Variants in KDM2B observed in about 807,000 individuals in gnomAD.
The protein encoded by KDM2B is lysine demethylase 2B, also known as lysine-specific demethylase 2B.
A neutral mutation model predicts 150.0 loss-of-function variants in KDM2B; 26 were observed. That is an observed-to-expected ratio of 0.17 (90% CI 0.13 to 0.24). The LOEUF (loss-of-function observed/expected upper bound fraction) is 0.24. Ranked by LOEUF, KDM2B falls within the 10% of genes least tolerant of loss-of-function variation. The probability of loss-of-function intolerance (pLI) is 1.00; values close to 1 mark genes in which losing one functional copy is unlikely to be tolerated. For missense variants in KDM2B, 1,265 were observed against 1,816.9 expected, an observed-to-expected ratio of 0.70 and a Z score of 5.52; for synonymous variants, 734 against 729.5, an observed-to-expected ratio of 1.01 and a Z score of -0.10.
At chr12:121,486,620 C>T (rs1202048195) in intron 12 of KDM2B, among the ~76,000 whole-genome samples, 2 of 151,976 alleles carry the variant, frequency 1.3e-5, no homozygotes, top group Non-Finnish European at 2.9e-5. Context: ...AACCCTGTCT[C>T]TACTAAAAAT....
At chr12:121,577,670 A>T (rs1331590964) in intron 2 of KDM2B, among the ~76,000 whole-genome samples, 2 of 152,206 alleles carry the variant, frequency 1.3e-5, no homozygotes, top group African/African-American at 4.8e-5. Context: ...TCACTGAGGG[A>T]TGGAAGGGTT....
chr12:121,577,795 A>G (rs1411082446), intron 2 of KDM2B, among the ~76,000 whole-genome samples: 1 of 151,990 alleles, frequency 6.6e-6, no homozygotes, highest in African/African-American at 2.4e-5. Flanking sequence ...CATGTTCAAA[A>G]CCCCAATCCC....
chr12:121,424,214 C>T (rs1555283943), downstream of KDM2B: 1 of 152,648 alleles, frequency 6.6e-6, no homozygotes, highest in African/African-American at 2.4e-5. Context: ...CATCTAGCTT[C>T]TTTTATTAGA....
intron 4 of KDM2B, among the ~76,000 whole-genome samples, chr12:121,559,727 T>C (rs540977081): frequency 5.3e-5 from 8 of 151,532 alleles, no homozygotes; most frequent in South Asian, 2.1e-4. Context: ...ATGGAGAAAC[T>C]CCGTCTCTAC....
chr12:121,509,714 C>A lies in KDM2B; in HGVS notation c.1500G>T (p.Thr500=). Residue 500 remains threonine, a synonymous_variant, in exon 11 of 23, where the codon ACG becomes ACT. Coordinates refer to ENST00000377071, the MANE Select transcript of KDM2B (RefSeq NM_032590.5). Reference sequence around the variant, plus strand: ...GATGGGTCCATTTGGCAGAGACCTCCGTGGCGGGAGAGCCGGTGGGGGTCT... The same window carrying A: ...GATGGGTCCATTTGGCAGAGACCTCAGTGGCGGGAGAGCCGGTGGGGGTCT... ...YPKTPTGSPA[T]EVSAKWTHLT... The A allele has an allele frequency of 6.2e-7, 1 of 1,614,124 alleles. No individual in the cohort carries two copies.
At chr12:121,416,829 A>G in the KDM2B span, among the ~76,000 whole-genome samples, 2 of 152,238 alleles carry the variant, frequency 1.3e-5, no homozygotes, top group Non-Finnish European at 2.9e-5. Flanking sequence ...TTTCACTAAG[A>G]TGGAAAGTCA....
At chr12:121,456,850 A>T (rs1285472683) in intron 12 of KDM2B, among the ~76,000 whole-genome samples, 1 of 152,166 alleles carries the variant, frequency 6.6e-6, no homozygotes, top group Non-Finnish European at 1.5e-5. Context: ...ACCAGACAAC[A>T]TCCTGAAAGA....
At chr12:121,508,606 C>G (rs868987962) in intron 11 of KDM2B, among the ~76,000 whole-genome samples, 2 of 152,146 alleles carry the variant, frequency 1.3e-5, no homozygotes, top group Admixed American at 6.6e-5. Context: ...AACCAAAAAG[C>G]CTTACTAATG....
At chr12:121,417,412 CTA>C in the KDM2B span, 1 of 1,162,300 alleles carries the variant, frequency 8.6e-7, no homozygotes, top group Non-Finnish European at 1.2e-6. The surrounding 1 kb of genome is among the most constrained non-coding windows in gnomAD (Gnocchi z 5.0). Context: ...TCACTAAGAA[CTA>C]AAATTAAATT....
intron 12 of KDM2B, among the ~76,000 whole-genome samples, chr12:121,464,429 G>A (rs1017701945): frequency 2.0e-5 from 3 of 152,238 alleles, no homozygotes; most frequent in Admixed American, 2.0e-4. Flanking sequence ...AACATGGCTC[G>A]CTCACCGCGG....
At position 121,522,211 on chromosome 12, in the gene KDM2B, G is replaced by A. The variant is rs1176685381; in HGVS notation, c.932-1111C>T. Reference sequence around the variant, plus strand: ...AACTCATTAATTCTCATGAAATCCCGAAAAAGTATATACTATATTCATGGC... The same window carrying A: ...AACTCATTAATTCTCATGAAATCCCAAAAAAGTATATACTATATTCATGGC... On this transcript the variant is annotated intron_variant, in intron 8 of 22. Transcript: ENST00000377071. Among the ~76,000 whole-genome samples, 14 of 151,958 alleles carry A rather than the reference G, an allele frequency of 9.2e-5. No homozygotes were observed. In the South Asian group the frequency reaches 1.9e-3, roughly 20 times the overall value.
chr12:121,413,429 T>TTTTTTTTTTTA, the KDM2B span, among the ~76,000 whole-genome samples: 1 of 148,792 alleles, frequency 6.7e-6, no homozygotes, highest in African/African-American at 2.5e-5. Context: ...TTTTTTTTTT[T>TTTTTTTTTTTA]GAGACGGAGT....
chr12:121,536,198 G>A, intron 6 of KDM2B: 1 of 629,730 alleles, frequency 1.6e-6, no homozygotes, highest in Non-Finnish European at 2.0e-6. Context: ...GCTGCCTTTT[G>A]CACCTCGCTT....
intron 11 of KDM2B, among the ~76,000 whole-genome samples, chr12:121,499,244 G>A (rs1884280219): frequency 6.6e-6 from 1 of 151,302 alleles, no homozygotes; most frequent in Admixed American, 6.6e-5. Context: ...TGGGGAGCTG[G>A]GATTACAGGC....
chr12:121,512,987 T>A (rs782176860), intron 10 of KDM2B, among the ~76,000 whole-genome samples: 1 of 152,222 alleles, frequency 6.6e-6, no homozygotes, highest in Non-Finnish European at 1.5e-5. Flanking sequence ...TGTGGGGTGA[T>A]CCCGTTTTAG....
chr12:121,534,780 A>G (rs1447060027), intron 6 of KDM2B, 190 bp from the exon 7 acceptor site: 3 of 560,286 alleles, frequency 5.4e-6, no homozygotes, highest in African/African-American at 1.9e-5. Context: ...TGATCAGGTG[A>G]CAAATCTCAA....
At chr12:121,534,115 C>T (rs879948172) in intron 7 of KDM2B, among the ~76,000 whole-genome samples, 97 of 152,058 alleles carry the variant, frequency 6.4e-4, no homozygotes, top group Non-Finnish European at 9.3e-4. Context: ...TTTGGGAGGC[C>T]AAGGCGGGCG....
intron 12 of KDM2B, among the ~76,000 whole-genome samples, chr12:121,479,193 T>TA (rs1220403121): frequency 6.6e-6 from 1 of 151,956 alleles, no homozygotes; most frequent in Non-Finnish European, 1.5e-5. Context: ...CTCAGGCCTG[T>TA]AATCCCAGCA....
At chr12:121,498,088 T>G (rs1345297663) in intron 11 of KDM2B, among the ~76,000 whole-genome samples, 3 of 152,052 alleles carry the variant, frequency 2.0e-5, no homozygotes, top group Non-Finnish European at 4.4e-5. Flanking sequence ...AGAGTAAGAC[T>G]TTGTCTCAAA....
Sources: gnomAD v4.1 joint callset for allele counts (sites outside exome capture counted in the v4.1 genomes callset) on GRCh38, gnomAD v4.1.1 for gene constraint, Gnocchi (gnomAD v3.1) non-coding constraint, MANE v1.5 for transcripts, NCBI Gene and HGNC (gene_info 2026-07-23, HGNC 2026-07-21) for gene names.